Variants in PCNX1 observed in about 807,000 individuals in gnomAD.
PCNX1 encodes pecanex-like protein 1.
A neutral mutation model predicts 242.2 loss-of-function variants in PCNX1; 78 were observed. The ratio of observed to expected loss-of-function variants is 0.32; its 90% CI spans 0.27 to 0.39. PCNX1 has a LOEUF of 0.39. Ranked by LOEUF, PCNX1 falls within the 10% of genes least tolerant of loss-of-function variation. The pLI is 1.00. For missense variants in PCNX1, 2,581 were observed against 2,856.5 expected (o/e 0.90, Z 2.20); for synonymous variants, 1,024 against 1,032.9 (o/e 0.99, Z 0.17).
chr14:70,926,006 T>C (rs986527642), intron 1 of PCNX1, among the ~76,000 whole-genome samples: 1 of 152,218 alleles, frequency 6.6e-6, no homozygotes, highest in Admixed American at 6.5e-5. Context: ...TCTTTTTCAG[T>C]GTATTCCGGG....
chr14:71,076,061 T>C, intron 27 of PCNX1, 128 bp from the exon 28 acceptor site: 1 of 614,812 alleles, frequency 1.6e-6, no homozygotes, highest in Non-Finnish European at 2.8e-6. Flanking sequence ...AAATACTTTT[T>C]AGTCAGACTA....
intron 9 of PCNX1, 128 bp from the exon 10 acceptor site, chr14:71,011,364 G>A: frequency 1.5e-6 from 1 of 672,126 alleles, no homozygotes; most frequent in Non-Finnish European, 2.7e-6. Flanking sequence ...CACAACTCTA[G>A]GAAAATGCTA....
At chr14:70,992,546 G>GAAT (rs2059198840) in intron 7 of PCNX1, among the ~76,000 whole-genome samples, 1 of 113,226 alleles carries the variant, frequency 8.8e-6, no homozygotes, top group Non-Finnish European at 1.7e-5. Flanking sequence ...CACATAGAAA[G>GAAT]GTAACTAGCA....
Position 71,047,125 on chromosome 14 carries a change from A to C in PCNX1, c.4160+20A>C, listed in dbSNP as rs771246858. ...TACAGAGTAAGTATAGTAGTCTTCTAATATTGTCTGACTACTGGGGGCTGT... is the reference window on the plus strand; with the variant it reads ...TACAGAGTAAGTATAGTAGTCTTCTCATATTGTCTGACTACTGGGGGCTGT... On this transcript the variant is annotated intron_variant, in intron 21 of 35. Transcript: ENST00000304743. 6 of 1,445,944 alleles carry C rather than the reference A, an allele frequency of 4.1e-6. No homozygotes were observed. Among genetic ancestry groups the C allele is most frequent in the Non-Finnish European group, 4.7e-6 (5 of 1,065,412 alleles). 89.6% of individuals were successfully genotyped at this position (1,445,944 alleles called of 1,614,324 possible).
intron 3 of PCNX1, among the ~76,000 whole-genome samples, chr14:70,964,093 A>C (rs1311705589): frequency 6.6e-6 from 1 of 152,080 alleles, no homozygotes; most frequent in Non-Finnish European, 1.5e-5. Flanking sequence ...CTGAGATAGA[A>C]TCTTGCTCTG....
At position 71,113,278 on chromosome 14, in the gene PCNX1, A is replaced by G. The variant is rs1340320822; in HGVS notation, c.*3343A>G. On this transcript the variant is annotated 3_prime_UTR_variant, in exon 36 of 36. Coordinates refer to ENST00000304743, the MANE Select transcript of PCNX1 (RefSeq NM_014982.3). ...TCGAAGTATTTTGGAAAATATTTCAAGTATATCTGAACTACTTATAATTCT... is the reference window on the plus strand; with the variant it reads ...TCGAAGTATTTTGGAAAATATTTCAGGTATATCTGAACTACTTATAATTCT... 1 of 152,370 alleles carries G rather than the reference A, an allele frequency of 6.6e-6. No homozygotes were observed. The highest frequency in any genetic ancestry group is 1.5e-5 in the Non-Finnish European group (1 of 68,042). 9.4% of individuals were successfully genotyped at this position (152,370 alleles called of 1,614,324 possible). A position where few individuals can be genotyped will look rare whatever the true frequency, so the allele number is the denominator to read the frequency against.
chr14:70,910,026 C>G (rs888811881), intron 1 of PCNX1, among the ~76,000 whole-genome samples: 1 of 90,344 alleles, frequency 1.1e-5, no homozygotes. Context: ...TAGACGACGA[C>G]TCCTCCCTCC....
At chr14:71,020,561 G>T (rs989914023) in intron 12 of PCNX1, among the ~76,000 whole-genome samples, 1 of 152,030 alleles carries the variant, frequency 6.6e-6, no homozygotes, top group Non-Finnish European at 1.5e-5. Flanking sequence ...ATGTTTGTCG[G>T]CCACATAAAT....
At chr14:71,049,235 A>G (rs931268529) in intron 22 of PCNX1, 4 of 341,992 alleles carry the variant, frequency 1.2e-5, no homozygotes, top group South Asian at 1.2e-4. Flanking sequence ...TATATTTTTT[A>G]AAACAAAAAA....
At chr14:70,995,628 T>C in intron 7 of PCNX1, 113 bp from the exon 8 acceptor site, 2 of 807,638 alleles carry the variant, frequency 2.5e-6, no homozygotes, top group East Asian at 2.7e-5. Flanking sequence ...CTTTCTTAGG[T>C]TATGTTGAAA....
At position 71,108,866 on chromosome 14, in the gene PCNX1, C is replaced by T. The variant is rs752368886; in HGVS notation, c.6564C>T (p.His2188=). Residue 2188 remains histidine (H), a synonymous_variant, in exon 34 of 36, where the codon CAC becomes CAT. Transcript: ENST00000304743. ...SGQSGLACVQ[H]GLPSSSSSSQ... ...AGAGCGGCCTGGCCTGTGTGCAGCA[C>T]GGCCTGCCTTCCTCCAGCAGCTCCA... 98 of 1,614,102 alleles carry T rather than the reference C, an allele frequency of 6.1e-5. No individual in the cohort carries two copies. The highest frequency in any genetic ancestry group is 7.7e-5 in the Non-Finnish European group (91 of 1,180,042).
At chr14:70,974,822 C>A (rs927353754) in intron 5 of PCNX1, among the ~76,000 whole-genome samples, 2 of 152,076 alleles carry the variant, frequency 1.3e-5, no homozygotes, top group African/African-American at 4.8e-5. Context: ...AAAAATGTAT[C>A]TTTTTGTGTT....
intron 1 of PCNX1, among the ~76,000 whole-genome samples, chr14:70,908,782 T>C (rs1417858055): frequency 6.6e-6 from 1 of 152,218 alleles, no homozygotes; most frequent in Non-Finnish European, 1.5e-5. Context: ...TCAAGGCCTT[T>C]GGCGGATAGG....
intron 12 of PCNX1, among the ~76,000 whole-genome samples, chr14:71,019,550 T>G (rs2060042864): frequency 6.6e-6 from 1 of 152,058 alleles, no homozygotes; most frequent in Non-Finnish European, 1.5e-5. Context: ...TACAGGCGCA[T>G]GCCACCATGG....
Position 71,109,950 on chromosome 14 carries a change from T to A in PCNX1, c.*15T>A. The A allele has an allele frequency of 1.2e-6, 2 of 1,611,028 alleles. No individual in the cohort carries two copies. The highest frequency in any genetic ancestry group is 1.7e-6 in the Non-Finnish European group (2 of 1,177,288). The stretch of plus-strand genomic sequence containing the variant: ...CTGAAGTGTGAGCCAGTGTTTATTA[T>A]AAAGACATTTCTTTTTCCCTCTCAA... On this transcript the variant is annotated 3_prime_UTR_variant, in exon 36 of 36. Transcript: ENST00000304743.
At chr14:70,989,768 G>A (rs2059108675) in intron 7 of PCNX1, among the ~76,000 whole-genome samples, 1 of 152,042 alleles carries the variant, frequency 6.6e-6, no homozygotes, top group Non-Finnish European at 1.5e-5. Context: ...CTGACCTCAA[G>A]TAATCTGCCT....
At chr14:70,949,544 A>T (rs1892409607) in intron 2 of PCNX1, among the ~76,000 whole-genome samples, 1 of 152,026 alleles carries the variant, frequency 6.6e-6, no homozygotes, top group South Asian at 2.1e-4. Context: ...ACTTTACTTA[A>T]CCTATTGTAA....
At chr14:71,108,311 TAA>T (rs1254312570) in intron 33 of PCNX1, among the ~76,000 whole-genome samples, 1 of 152,238 alleles carries the variant, frequency 6.6e-6, no homozygotes, top group East Asian at 1.9e-4. Context: ...ATCCCAACCT[TAA>T]GTCCTGATAT....
chr14:70,991,833 A>G (rs969318922), intron 7 of PCNX1, among the ~76,000 whole-genome samples: 6 of 152,286 alleles, frequency 3.9e-5, no homozygotes, highest in African/African-American at 1.4e-4. Flanking sequence ...AAAATTATCT[A>G]AAAGAAATGG....
Sources: gnomAD v4.1 joint callset for allele counts (sites outside exome capture counted in the v4.1 genomes callset) on GRCh38, gnomAD v4.1.1 for gene constraint, MANE v1.5 for transcripts, NCBI Gene and HGNC (gene_info 2026-07-23, HGNC 2026-07-21) for gene names.